Variants in NCKAP1 observed in about 807,000 individuals in gnomAD.
NCKAP1 encodes NCK associated protein 1.
A neutral mutation model predicts 151.2 loss-of-function variants in NCKAP1; 21 were observed. The ratio of observed to expected loss-of-function variants is 0.14; its 90% CI spans 0.10 to 0.20. The LOEUF is 0.20. Ranked by LOEUF, NCKAP1 falls within the 10% of genes least tolerant of loss-of-function variation. NCKAP1 has a pLI of 1.00. For missense variants in NCKAP1, 933 were observed against 1,352.1 expected (o/e 0.69, Z 4.86); for synonymous variants, 484 against 451.8 (o/e 1.07, Z -0.90).
At chr2:183,010,898 A>G (rs893747262) in intron 2 of NCKAP1, among the ~76,000 whole-genome samples, 3 of 152,222 alleles carry the variant, frequency 2.0e-5, no homozygotes, top group Non-Finnish European at 4.4e-5. Flanking sequence ...AATTTTTTAA[A>G]ACCTTTCTAA....
chr2:183,026,794 A>G (rs918225600), intron 1 of NCKAP1, among the ~76,000 whole-genome samples: 1 of 152,188 alleles, frequency 6.6e-6, no homozygotes, highest in Non-Finnish European at 1.5e-5. Flanking sequence ...GAAGAGAGAT[A>G]AAGAAACCAT....
At chr2:182,967,479 C>CAGT (rs1697596428) in intron 15 of NCKAP1, 118 bp from the exon 16 acceptor site, 2 of 893,570 alleles carry the variant, frequency 2.2e-6, no homozygotes, top group Non-Finnish European at 3.5e-6. Context: ...GTGACACTGA[C>CAGT]AGTAACATCT....
At chr2:182,966,346 C>T (rs548786164) in intron 16 of NCKAP1, among the ~76,000 whole-genome samples, 3 of 151,978 alleles carry the variant, frequency 2.0e-5, no homozygotes, top group South Asian at 2.1e-4. Flanking sequence ...AGTGCAGTGG[C>T]GTGATCTTGG....
rs1426104362 is a variant in NCKAP1, at chr2:182,983,324, T to C, written c.1063A>G (p.Thr355Ala). ...AATCCAGGTTGATCAGAGAGGACAG[T>C]AGCCAATTCCTTCAGTGCAGATCTT... is the stretch of plus-strand genomic sequence containing the variant. ...FLRSALKELA[T>A]VLSDQPGLLG... The change falls in exon 11 of 31, where the codon ACT (threonine) becomes GCT (alanine). Residue 355 changes from threonine (T) to alanine (A), a missense_variant. Transcript: ENST00000361354. The C allele has an allele frequency of 1.2e-6, 2 of 1,613,268 alleles. No individual in the cohort carries two copies. Among genetic ancestry groups the C allele is most frequent in the African/African-American group, 1.3e-5 (1 of 74,902 alleles).
chr2:183,032,917 G>C (rs1699033687), intron 1 of NCKAP1, among the ~76,000 whole-genome samples: 1 of 152,172 alleles, frequency 6.6e-6, no homozygotes, highest in South Asian at 2.1e-4. Flanking sequence ...TGGCATGGTG[G>C]CATGTGCCTA....
intron 13 of NCKAP1, among the ~76,000 whole-genome samples, chr2:182,979,689 T>C (rs1227341538): frequency 6.6e-6 from 1 of 152,090 alleles, no homozygotes; most frequent in Non-Finnish European, 1.5e-5. Flanking sequence ...TCTAAATTTA[T>C]ATGCTAGCAA....
intron 2 of NCKAP1, among the ~76,000 whole-genome samples, chr2:183,017,620 T>C (rs2105889389): frequency 6.6e-6 from 1 of 152,222 alleles, no homozygotes; most frequent in Non-Finnish European, 1.5e-5. Context: ...GCCGGGTTCC[T>C]AACAGGCCAC....
At chr2:183,016,122 C>G (rs1237479101) in intron 2 of NCKAP1, among the ~76,000 whole-genome samples, 1 of 152,066 alleles carries the variant, frequency 6.6e-6, no homozygotes, top group Admixed American at 6.5e-5. Flanking sequence ...AATAGAAGTT[C>G]CCTCTGAGGA....
intron 19 of NCKAP1, 43 bp from the exon 20 acceptor site, chr2:182,956,636 A>T: frequency 1.3e-6 from 2 of 1,542,680 alleles, no homozygotes; most frequent in Non-Finnish European, 1.7e-6. Flanking sequence ...ACATGTCATC[A>T]CAGGCAATAC....
intron 23 of NCKAP1, among the ~76,000 whole-genome samples, chr2:182,951,035 G>A (rs983735928): frequency 1.3e-5 from 2 of 151,872 alleles, no homozygotes; most frequent in Non-Finnish European, 2.9e-5. Context: ...ATTTCACCAT[G>A]TTGGCCAGGC....
chr2:182,979,420 A>G (rs141015568), intron 13 of NCKAP1, among the ~76,000 whole-genome samples: 51 of 152,236 alleles, frequency 3.4e-4, no homozygotes, highest in African/African-American at 1.2e-3. Context: ...AAGACCTAAA[A>G]ATCCTTTTCA....
chr2:182,943,625 T>G (rs916102907), intron 23 of NCKAP1, among the ~76,000 whole-genome samples: 2 of 151,792 alleles, frequency 1.3e-5, no homozygotes, highest in African/African-American at 2.4e-5. Flanking sequence ...TGCACCTTAT[T>G]CTATGTGTCA....
At chr2:183,001,344 C>T (rs1049553085) in intron 6 of NCKAP1, among the ~76,000 whole-genome samples, 1 of 152,154 alleles carries the variant, frequency 6.6e-6, no homozygotes, top group African/African-American at 2.4e-5. Flanking sequence ...ATCAGCCCTT[C>T]TGCAGAGAAT....
intron 2 of NCKAP1, among the ~76,000 whole-genome samples, chr2:183,020,779 G>C (rs1698783702): frequency 6.6e-6 from 1 of 152,108 alleles, no homozygotes; most frequent in Non-Finnish European, 1.5e-5. Flanking sequence ...ATCTTTTCCA[G>C]TCTTTAAGCT....
At chr2:182,940,748 A>T (rs1054411424) in intron 24 of NCKAP1, among the ~76,000 whole-genome samples, 5 of 152,096 alleles carry the variant, frequency 3.3e-5, no homozygotes, top group Non-Finnish European at 5.9e-5. Flanking sequence ...CCCAAATGTT[A>T]TCATGTACAG....
intron 16 of NCKAP1, among the ~76,000 whole-genome samples, chr2:182,966,835 A>G (rs563669330): frequency 6.6e-6 from 1 of 152,316 alleles, no homozygotes; most frequent in African/African-American, 2.4e-5. Context: ...TACATCATAG[A>G]AGTGAAGTTA....
At chr2:182,946,118 T>C (rs1041919268) in intron 23 of NCKAP1, among the ~76,000 whole-genome samples, 2 of 152,082 alleles carry the variant, frequency 1.3e-5, no homozygotes, top group Non-Finnish European at 2.9e-5. Flanking sequence ...CAAGTACACA[T>C]AGATAGTGCA....
At chr2:182,964,904 T>A in intron 16 of NCKAP1, 96 bp from the exon 17 acceptor site, 1 of 933,424 alleles carries the variant, frequency 1.1e-6, no homozygotes, top group South Asian at 2.1e-5. Flanking sequence ...GAATGAATGA[T>A]AACTGGTAGC....
chr2:183,028,450 A>G (rs1246889894), intron 1 of NCKAP1, among the ~76,000 whole-genome samples: 3 of 152,150 alleles, frequency 2.0e-5, no homozygotes, highest in African/African-American at 7.2e-5. Flanking sequence ...TCTAATTATA[A>G]TATTTTAAAA....
Sources: allele counts gnomAD v4.1 joint callset (sites outside exome capture counted in the v4.1 genomes callset), GRCh38; gene constraint gnomAD v4.1.1; transcripts MANE v1.5; gene names NCBI Gene and HGNC (gene_info 2026-07-23, HGNC 2026-07-21).